DCHS2: variants seen among roughly 807,000 people sequenced by gnomAD.
DCHS2 encodes dachsous cadherin-related 2, also known as protocadherin-23.
Under a neutral mutation model 182.4 loss-of-function variants are expected in DCHS2, and 142 were observed. That is an observed-to-expected ratio of 0.78 (90% confidence interval 0.68 to 0.89). DCHS2 has a LOEUF of 0.89. DCHS2 is among the 40% of genes least tolerant of loss of function. DCHS2 has a pLI of 0.00. For missense variants in DCHS2, 4,319 were observed against 4,198.6 expected, an observed-to-expected ratio of 1.03 and a Z score of -0.79; for synonymous variants, 1,740 against 1,663.3, an observed-to-expected ratio of 1.05 and a Z score of -1.12.
Position 154,489,947 on chromosome 4 carries a change from G to A in DCHS2, c.1409C>T (p.Ser470Phe), listed in dbSNP as rs1728737394. Residue 470 changes from serine to phenylalanine, a missense_variant, in exon 1 of 20, where the codon TCC becomes TTC. Physicochemically the swap from Ser to Phe is radical, Grantham distance 155 (BLOSUM62 -2). Transcript: ENST00000357232. ...GAAGTCTCCCTCTCCGCCTTCCAAG[G>A]ACAGAGAGATGCTCCCGTCTCCAAG... ...VGLGDGSISLSLEGGEGDFAL... is the reference protein window; with the variant it reads ...VGLGDGSISLFLEGGEGDFAL... 4 of 1,543,054 alleles carry A rather than the reference G, an allele frequency of 2.6e-6. No individual in the cohort carries two copies. The highest frequency in any genetic ancestry group is 1.4e-5 in the African/African-American group (1 of 72,782).
chr4:154,256,637 T>C (rs1331072575), intron 15 of DCHS2, among the ~76,000 whole-genome samples: 1 of 152,200 alleles, frequency 6.6e-6, no homozygotes, highest in African/African-American at 2.4e-5. Flanking sequence ...GTATCTTGAT[T>C]AAGAACAAGT....
Position 154,236,800 on chromosome 4 carries a change from C to G in DCHS2, c.7852G>C (p.Val2618Leu). ...EYPYKQVGYL[V>L]LLHSLDREAS... Reference sequence around the variant, plus strand: ...TCTCTGTCCAGACTGTGAAGCAACACAAGATAACCGACTTGCTTATAAGGA... The same window carrying G: ...TCTCTGTCCAGACTGTGAAGCAACAGAAGATAACCGACTTGCTTATAAGGA... The change falls in exon 20 of 20, where the codon GTG becomes CTG. Residue 2618 changes from valine to leucine, a missense_variant. Transcript: ENST00000357232. The G allele has an allele frequency of 1.9e-6, 3 of 1,613,986 alleles. No individual in the cohort carries two copies. The highest frequency in any genetic ancestry group is 2.5e-6 in the Non-Finnish European group (3 of 1,179,962).
At chr4:154,480,514 C>A (rs1378341075) in intron 1 of DCHS2, among the ~76,000 whole-genome samples, 1 of 152,130 alleles carries the variant, frequency 6.6e-6, no homozygotes, top group Non-Finnish European at 1.5e-5. Context: ...TACTACAGGT[C>A]TTCCCTGCCT....
intron 1 of DCHS2, among the ~76,000 whole-genome samples, chr4:154,440,830 A>G (rs1219552670): frequency 2.0e-5 from 3 of 152,066 alleles, no homozygotes; most frequent in South Asian, 2.1e-4. Flanking sequence ...AAAAATCACA[A>G]TTGAACCCTA....
chr4:154,332,907 T>C lies in DCHS2; in HGVS notation c.3301A>G (p.Thr1101Ala). Residue 1101 changes from threonine to alanine, a missense_variant, in exon 5 of 20, where the codon ACA becomes GCA. Coordinates refer to ENST00000357232, the MANE Select transcript of DCHS2 (RefSeq NM_001358235.2). The stretch of plus-strand genomic sequence containing the variant: ...TGCGCCTGTGTTTGCAGCATTTGTG[T>C]CATCGGTGAGAGAGACTCACTGACT... ...VEVSESLSPM[T>A]QMLQTQAHPL... The C allele has an allele frequency of 1.2e-6, 2 of 1,614,200 alleles. No homozygotes were observed. Among genetic ancestry groups the C allele is most frequent in the Non-Finnish European group, 1.7e-6 (2 of 1,180,028 alleles).
intron 7 of DCHS2, among the ~76,000 whole-genome samples, chr4:154,324,444 A>G (rs963814567): frequency 5.5e-4 from 84 of 152,206 alleles, no homozygotes; most frequent in African/African-American, 1.9e-3. Context: ...TATTTGGGAC[A>G]TTAGAGGTGC....
chr4:154,452,600 G>C lies in DCHS2; in HGVS notation c.2052+36704C>G, dbSNP rs188721414. 2.8e-3 allele frequency among the ~76,000 whole-genome samples: 419 copies of C among 151,712 alleles called. 10 individuals are homozygous for C. The highest frequency in any genetic ancestry group is 0.024 in the Admixed American group (371 of 15,230). ...GACTGTGCTGCTGCACTCCAGCCTG[G>C]GCAACAAGGCAAGACTCCATCGCAA... On this transcript the variant is annotated intron_variant, in intron 1 of 19. Coordinates refer to ENST00000357232, the MANE Select transcript of DCHS2 (RefSeq NM_001358235.2).
intron 1 of DCHS2, among the ~76,000 whole-genome samples, chr4:154,429,751 A>T (rs910726428): frequency 6.6e-6 from 1 of 151,912 alleles, no homozygotes; most frequent in Non-Finnish European, 1.5e-5. Flanking sequence ...AAATTTCAAA[A>T]CTTCTCTTCT....
chr4:154,270,649 CAGAGA>C (rs1733545719), intron 13 of DCHS2, among the ~76,000 whole-genome samples: 1 of 151,380 alleles, frequency 6.6e-6, no homozygotes, highest in South Asian at 2.1e-4. Flanking sequence ...GCTGTGAGAA[CAGAGA>C]AGAGAGGGGT....
intron 1 of DCHS2, among the ~76,000 whole-genome samples, chr4:154,421,577 T>A (rs1733113480): frequency 6.6e-6 from 1 of 152,078 alleles, no homozygotes; most frequent in Non-Finnish European, 1.5e-5. Context: ...GTATTTTTAG[T>A]AGAGACAGGG....
chr4:154,302,221 A>C (rs1220729864), intron 12 of DCHS2, among the ~76,000 whole-genome samples: 1 of 152,212 alleles, frequency 6.6e-6, no homozygotes, highest in African/African-American at 2.4e-5. Context: ...AATTGAAAAA[A>C]ACTTAAGTAA....
At chr4:154,386,903 C>A (rs1258209312) in intron 1 of DCHS2, among the ~76,000 whole-genome samples, 1 of 152,138 alleles carries the variant, frequency 6.6e-6, no homozygotes. Flanking sequence ...ATTAACGAAG[C>A]TATATTATCA....
chr4:154,354,180 C>T (rs1162664031), intron 3 of DCHS2, among the ~76,000 whole-genome samples: 1 of 152,216 alleles, frequency 6.6e-6, no homozygotes, highest in African/African-American at 2.4e-5. Context: ...CCTGCCTCAG[C>T]CTCCCAAAGT....
intron 3 of DCHS2, among the ~76,000 whole-genome samples, chr4:154,340,811 T>C (rs1006055585): frequency 1.4e-4 from 22 of 152,220 alleles, no homozygotes; most frequent in African/African-American, 5.3e-4. Context: ...CAAGAATCTT[T>C]ACCCTTAAAG....
At chr4:154,433,398 T>G (rs1320004994) in intron 1 of DCHS2, among the ~76,000 whole-genome samples, 8 of 135,706 alleles carry the variant, frequency 5.9e-5, no homozygotes, top group Admixed American at 4.4e-4. Context: ...TTTTTTCCTT[T>G]TTTTTTTTTT....
At chr4:154,357,342 G>T (rs1729919876) in intron 3 of DCHS2, 5 of 1,547,694 alleles carry the variant, frequency 3.2e-6, no homozygotes, top group Non-Finnish European at 4.5e-6. Context: ...GGGAAAAGGA[G>T]CCAGGCTGGT....
chr4:154,363,937 T>G (rs1035917407), intron 3 of DCHS2, among the ~76,000 whole-genome samples: 1 of 152,212 alleles, frequency 6.6e-6, no homozygotes, highest in African/African-American at 2.4e-5. Flanking sequence ...CGATGCTTTT[T>G]CATTCTCTTC....
Position 154,236,405 on chromosome 4 carries a change from A to G in DCHS2, c.8247T>C (p.His2749=). Reference sequence around the variant, plus strand: ...TGACAAACACAACTGCAAAAGAAAAATGTTTCTTTTCTGCATCTGAAGCTT... The same window carrying G: ...TGACAAACACAACTGCAAAAGAAAAGTGTTTCTTTTCTGCATCTGAAGCTT... The part of the protein sequence containing the change: ...TVQASDAEKK[H]FSFAVVFVSV... The change falls in exon 20 of 20, where the codon CAT becomes CAC. Residue 2749 remains histidine (H), a synonymous_variant. Transcript: ENST00000357232. 1 of 1,614,048 alleles carries G rather than the reference A, an allele frequency of 6.2e-7. No homozygotes were observed. The highest frequency in any genetic ancestry group is 2.2e-5 in the East Asian group (1 of 44,852).
At chr4:154,357,117 C>T (rs1218768294) in intron 3 of DCHS2, 7 of 704,506 alleles carry the variant, frequency 9.9e-6, no homozygotes, top group South Asian at 9.4e-5. Context: ...GAACCTTTGG[C>T]CTGCGAAGTT....
Sources: gnomAD v4.1 joint callset for allele counts (sites outside exome capture counted in the v4.1 genomes callset) on GRCh38, gnomAD v4.1.1 for gene constraint, MANE v1.5 for transcripts, NCBI Gene and HGNC (gene_info 2026-07-23, HGNC 2026-07-21) for gene names.